Variants in BNIP2 observed in about 807,000 individuals in gnomAD.
BNIP2 encodes BCL2 interacting protein 2, also known as BCL2/adenovirus E1B 19 kDa protein-interacting protein 2.
Under a neutral mutation model 43.4 loss-of-function variants are expected in BNIP2, and 36 were observed. The ratio of observed to expected loss-of-function variants is 0.83; its 90% confidence interval spans 0.64 to 1.10. BNIP2 has a LOEUF of 1.10. Ranked by LOEUF, BNIP2 falls within the 50% of genes least tolerant of loss-of-function variation. The pLI, the probability that BNIP2 is intolerant of heterozygous loss-of-function variation, is 0.00. For synonymous variants in BNIP2, 146 were observed against 121.0 expected, an observed-to-expected ratio of 1.21 and a Z score of -1.35; for missense variants, 417 against 374.1, an observed-to-expected ratio of 1.11 and a Z score of -0.95.
chr15:59,689,274 G>A lies in BNIP2; in HGVS notation c.-197C>T, dbSNP rs3087332. 3,373 of 1,545,558 alleles carry A rather than the reference G, an allele frequency of 2.2e-3. 47 individuals carry two copies. The African/African-American group carries it at 0.037, about 17-fold the overall frequency. On this transcript the variant is annotated 5_prime_UTR_variant, in exon 1 of 10. Coordinates refer to ENST00000607373, the MANE Select transcript of BNIP2 (RefSeq NM_004330.4). ...GGTGGAGACCCCGGCCCAATCCCCCGGCCGCAGCGGTACGGCGTCGGCGGC... is the reference window on the plus strand; with the variant it reads ...GGTGGAGACCCCGGCCCAATCCCCCAGCCGCAGCGGTACGGCGTCGGCGGC...
intron 1 of BNIP2, among the ~76,000 whole-genome samples, chr15:59,686,995 T>C (rs974845124): frequency 6.6e-6 from 1 of 152,098 alleles, no homozygotes; most frequent in Admixed American, 6.6e-5. Flanking sequence ...CCAGCCTGGG[T>C]GACAGAGCGA....
At chr15:59,670,565 A>C (rs1892835866) in intron 7 of BNIP2, among the ~76,000 whole-genome samples, 3 of 152,258 alleles carry the variant, frequency 2.0e-5, no homozygotes, top group African/African-American at 7.2e-5. Context: ...AAAGTGTTCA[A>C]TGTGGAGAAA....
intron 9 of BNIP2, chr15:59,668,081 C>T: frequency 9.3e-6 from 12 of 1,292,880 alleles, no homozygotes; most frequent in South Asian, 1.3e-5. Flanking sequence ...CTAGATGCAA[C>T]CCAGTCAAGG....
At chr15:59,679,801 AC>A in intron 3 of BNIP2, 33 bp from the exon 4 acceptor site, 2 of 1,450,208 alleles carry the variant, frequency 1.4e-6, no homozygotes, top group Non-Finnish European at 1.8e-6. Flanking sequence ...AAGATACGTA[AC>A]AAGGAATGCT....
At chr15:59,678,977 C>A (rs962774816) in intron 4 of BNIP2, 3 of 652,912 alleles carry the variant, frequency 4.6e-6, no homozygotes, top group Non-Finnish European at 6.5e-6. Context: ...TATAGCATAT[C>A]ACACTTTATT....
intron 9 of BNIP2, 157 bp downstream of exon 9, chr15:59,668,735 G>T: frequency 1.9e-6 from 1 of 529,482 alleles, no homozygotes; most frequent in Non-Finnish European, 3.1e-6. Flanking sequence ...TGGGAAAATG[G>T]CTTCTTCCTC....
At chr15:59,665,130 G>A (rs1595685479) in intron 9 of BNIP2, among the ~76,000 whole-genome samples, 1 of 151,516 alleles carries the variant, frequency 6.6e-6, no homozygotes, top group East Asian at 2.0e-4. Flanking sequence ...CAGGTGTGGT[G>A]GTACGCGTCT....
intron 7 of BNIP2, among the ~76,000 whole-genome samples, chr15:59,670,801 C>T (rs1268906323): frequency 2.0e-5 from 3 of 151,996 alleles, no homozygotes; most frequent in African/African-American, 4.8e-5. Flanking sequence ...AGGCTGGGCG[C>T]GGTGGCTCAC....
At chr15:59,672,480 T>C (rs1032821646) in intron 6 of BNIP2, among the ~76,000 whole-genome samples, 157 bp downstream of exon 6, 2 of 152,200 alleles carry the variant, frequency 1.3e-5, no homozygotes, top group Non-Finnish European at 2.9e-5. Context: ...TCATATCGCC[T>C]AGGCTGGTCT....
intron 3 of BNIP2, 33 bp from the exon 4 acceptor site, chr15:59,679,801 A>G: frequency 1.0e-5 from 15 of 1,450,208 alleles, no homozygotes; most frequent in Non-Finnish European, 1.3e-5. Context: ...AAGATACGTA[A>G]CAAGGAATGC....
chr15:59,681,944 G>A (rs1893704895), intron 2 of BNIP2, among the ~76,000 whole-genome samples: 1 of 152,044 alleles, frequency 6.6e-6, no homozygotes, highest in African/African-American at 2.4e-5. Flanking sequence ...TATATACTTG[G>A]TTGGAAAGTA....
At position 59,663,987 on chromosome 15, in the gene BNIP2, G is replaced by T; in HGVS notation, c.*82C>A. 4.6e-6 allele frequency: 5 copies of T among 1,077,184 alleles called. No homozygotes were observed. The highest frequency in any genetic ancestry group is 1.7e-5 in the South Asian group (1 of 59,492). The allele number at this position is 1,077,184 out of a possible 1,614,324, so 66.7% of individuals were successfully genotyped here. A position where few individuals can be genotyped will look rare whatever the true frequency, so the allele number is the denominator to read the frequency against. The stretch of plus-strand genomic sequence containing the variant: ...TTGTAACAGGTTACATAAAAATATG[G>T]GCCAATAAATGCATTATGAATGCAG... On this transcript the variant is annotated 3_prime_UTR_variant, in exon 10 of 10. Transcript: ENST00000607373.
intron 2 of BNIP2, among the ~76,000 whole-genome samples, chr15:59,680,935 TTA>T (rs1192882815): frequency 6.6e-6 from 1 of 152,228 alleles, no homozygotes; most frequent in African/African-American, 2.4e-5. Context: ...CAGAGCTGAC[TTA>T]TACACTTATT....
At chr15:59,669,469 A>G (rs1892770225) in intron 7 of BNIP2, 107 bp from the exon 8 acceptor site, 1 of 756,946 alleles carries the variant, frequency 1.3e-6, no homozygotes, top group African/African-American at 1.8e-5. Context: ...CTCACCCAAA[A>G]GTTCTCAATT....
intron 5 of BNIP2, among the ~76,000 whole-genome samples, chr15:59,676,334 T>A (rs935754854): frequency 1.3e-5 from 2 of 152,008 alleles, no homozygotes; most frequent in Non-Finnish European, 2.9e-5. Flanking sequence ...CCACCACTCC[T>A]GGCTAATTTT....
intron 5 of BNIP2, chr15:59,676,835 C>G (rs6151520): frequency 6.4e-7 from 1 of 1,555,526 alleles, no homozygotes; most frequent in Non-Finnish European, 8.7e-7. Context: ...CCCTTCCTGC[C>G]GGGAATTCTG....
At position 59,662,123 on chromosome 15, in the gene BNIP2, T is replaced by C. The variant is rs918679220; in HGVS notation, c.*1946A>G. ...TGCAAAAAAGAGTTGAAGTTATTCT[T>C]CATATTTTTTAAACTGAAGAACCAA... On this transcript the variant is annotated 3_prime_UTR_variant, in exon 10 of 10. Coordinates refer to ENST00000607373, the MANE Select transcript of BNIP2 (RefSeq NM_004330.4). 1 of 152,230 alleles carries C rather than the reference T, an allele frequency of 6.6e-6. No individual in the cohort carries two copies. Among genetic ancestry groups the C allele is most frequent in the Non-Finnish European group, 1.5e-5 (1 of 68,040 alleles). The allele number at this position is 152,230 out of a possible 1,614,324, so 9.4% of individuals were successfully genotyped here.
Position 59,669,276 on chromosome 15 carries a change from C to T in BNIP2, c.794G>A (p.Ser265Asn). The T allele has an allele frequency of 6.5e-7, 1 of 1,531,808 alleles. No homozygotes were observed. The highest frequency in any genetic ancestry group is 2.3e-5 in the Admixed American group (1 of 42,814). The allele number at this position is 1,531,808 out of a possible 1,614,324, so 94.9% of individuals were successfully genotyped here. ...AAAGTCAATGGCTCTCAAAAATTACCTAATAAATGGTCTTGTAACAGCCAG... is the reference window on the plus strand; with the variant it reads ...AAAGTCAATGGCTCTCAAAAATTACTTAATAAATGGTCTTGTAACAGCCAG... ...TLLAVTRPFI[S>N]SKFSQKIRYV... Residue 265 changes from serine (S) to asparagine (N), a missense_variant and splice_region_variant, in exon 8 of 10, where the codon AGC becomes AAC. By Grantham distance (46) the Ser-to-Asn change is conservative. Coordinates refer to ENST00000607373, the MANE Select transcript of BNIP2 (RefSeq NM_004330.4).
At chr15:59,685,687 A>G (rs1893968163) in intron 1 of BNIP2, among the ~76,000 whole-genome samples, 1 of 152,238 alleles carries the variant, frequency 6.6e-6, no homozygotes, top group Non-Finnish European at 1.5e-5. Context: ...ATCTAGTTAA[A>G]CAGAACTTGG....
Sources: gnomAD v4.1 joint callset for allele counts (sites outside exome capture counted in the v4.1 genomes callset) on GRCh38, gnomAD v4.1.1 for gene constraint, MANE v1.5 for transcripts, NCBI Gene and HGNC (gene_info 2026-07-23, HGNC 2026-07-21) for gene names.